UHRF2: variants seen among roughly 807,000 people sequenced by gnomAD.
UHRF2 encodes the protein ubiquitin like with PHD and ring finger domains 2, also known as E3 ubiquitin-protein ligase UHRF2.
Under a neutral mutation model 96.8 loss-of-function variants are expected in UHRF2, and 23 were observed. The ratio of observed to expected loss-of-function variants is 0.24; its 90% CI spans 0.17 to 0.34. UHRF2 has a LOEUF of 0.34. Among genes scored for constraint, UHRF2 ranks in the 10% least tolerant of loss-of-function variants. The pLI is 1.00. For missense variants in UHRF2, 685 were observed against 981.5 expected, an observed-to-expected ratio of 0.70 and a Z score of 4.04; for synonymous variants, 385 against 332.6, an observed-to-expected ratio of 1.16 and a Z score of -1.72.
At chr9:6,487,124 T>C (rs1824334324) in intron 9 of UHRF2, among the ~76,000 whole-genome samples, 199 bp downstream of exon 9, 1 of 152,034 alleles carries the variant, frequency 6.6e-6, no homozygotes, top group South Asian at 2.1e-4. Context: ...TTATATGTGT[T>C]TGTTAAGTGA....
intron 4 of UHRF2, among the ~76,000 whole-genome samples, chr9:6,464,384 T>C (rs1822740319): frequency 1.3e-5 from 2 of 152,342 alleles, no homozygotes; most frequent in South Asian, 4.1e-4. Context: ...CTGTGGCTTG[T>C]CTTTTTCTCC....
At chr9:6,433,776 A>G (rs992665626) in intron 2 of UHRF2, 138 bp from the exon 3 acceptor site, 9 of 825,450 alleles carry the variant, frequency 1.1e-5, no homozygotes, top group Admixed American at 2.9e-5. Context: ...TTTTGATCTA[A>G]TCTTATTAAC....
chr9:6,453,363 A>G (rs1821983801), intron 3 of UHRF2, among the ~76,000 whole-genome samples: 1 of 152,236 alleles, frequency 6.6e-6, no homozygotes, highest in Non-Finnish European at 1.5e-5. Context: ...TGTTATTTAA[A>G]AACATACAGA....
At position 6,506,765 on chromosome 9, in the gene UHRF2, T is replaced by C. The variant is rs551748449; in HGVS notation, c.*586T>C. The C allele has an allele frequency of 6.5e-6, 1 of 152,922 alleles. No individual in the cohort carries two copies. The highest frequency in any genetic ancestry group is 6.5e-5 in the Admixed American group (1 of 15,320). The allele number at this position is 152,922 out of a possible 1,614,324, so 9.5% of individuals were successfully genotyped here. ...GTGTTTTATGCAAGTTGACTACTAA[T>C]GACTAATGAGAACAATAATGAATGC... is the stretch of plus-strand genomic sequence containing the variant. On this transcript the variant is annotated 3_prime_UTR_variant, in exon 16 of 16. Transcript: ENST00000276893.
At chr9:6,440,346 A>G (rs928535688) in intron 3 of UHRF2, among the ~76,000 whole-genome samples, 1 of 152,222 alleles carries the variant, frequency 6.6e-6, no homozygotes, top group South Asian at 2.1e-4. Context: ...AATGTTAGCT[A>G]CATTAAATCT....
chr9:6,455,087 C>A (rs1485629496), intron 3 of UHRF2, among the ~76,000 whole-genome samples: 2 of 152,166 alleles, frequency 1.3e-5, no homozygotes, highest in Non-Finnish European at 2.9e-5. Flanking sequence ...TTACTCATTT[C>A]TTTGTCCCTC....
chr9:6,467,601 T>TTG (rs901582428), intron 4 of UHRF2, among the ~76,000 whole-genome samples: 1 of 150,330 alleles, frequency 6.7e-6, no homozygotes, highest in Non-Finnish European at 1.5e-5. Flanking sequence ...AATAGTTTTT[T>TTG]TTTTTTTTTT....
At chr9:6,432,418 A>G (rs571597794) in intron 2 of UHRF2, among the ~76,000 whole-genome samples, 7 of 152,238 alleles carry the variant, frequency 4.6e-5, no homozygotes, top group African/African-American at 1.4e-4. Flanking sequence ...TTACCTTTGA[A>G]GTTCCTGTAT....
In UHRF2 at chr9:6,415,784, G is replaced by C. The variant is rs137883549; in HGVS notation, c.153+2141G>C. On this transcript the variant is annotated intron_variant, in intron 1 of 15. Coordinates refer to ENST00000276893, the MANE Select transcript of UHRF2 (RefSeq NM_152896.3). Reference sequence around the variant, plus strand: ...TATTATAGATGTTCAGCTCACCCCAGAACTGCAAGTAGTTGAATTTAACAA... The same window carrying C: ...TATTATAGATGTTCAGCTCACCCCACAACTGCAAGTAGTTGAATTTAACAA... Among the ~76,000 whole-genome samples the C allele has an allele frequency of 5.4e-4, 82 of 152,272 alleles. 2 individuals carry two copies. In the East Asian group the frequency reaches 0.015, roughly 28 times the overall value.
In UHRF2 at chr9:6,504,581, A is replaced by T. The variant is rs776087014; in HGVS notation, c.2164-12A>T. On this transcript the variant is annotated splice_polypyrimidine_tract_variant and intron_variant, in intron 14 of 15. Coordinates refer to ENST00000276893, the MANE Select transcript of UHRF2 (RefSeq NM_152896.3). ...CTAACTTTTCTTTCCTTATCCTTGGATACTGTTCTAGAATTTTCTGAAAAA... is the reference window on the plus strand; with the variant it reads ...CTAACTTTTCTTTCCTTATCCTTGGTTACTGTTCTAGAATTTTCTGAAAAA... 3 of 1,602,846 alleles carry T rather than the reference A, an allele frequency of 1.9e-6. No individual in the cohort carries two copies. In the South Asian group the frequency reaches 3.3e-5, roughly 18 times the overall value.
chr9:6,504,015 C>CGTTT (rs1816445450), intron 14 of UHRF2, among the ~76,000 whole-genome samples: 2 of 78,958 alleles, frequency 2.5e-5, no homozygotes, highest in African/African-American at 1.2e-4. Context: ...AAATAGAAGA[C>CGTTT]TTTTTTTTTT....
intron 3 of UHRF2, among the ~76,000 whole-genome samples, chr9:6,458,422 A>C (rs1486004590): frequency 1.4e-5 from 2 of 148,022 alleles, no homozygotes; most frequent in Non-Finnish European, 3.0e-5. Flanking sequence ...TATTTTGCTG[A>C]TCTTTTCAAA....
intron 9 of UHRF2, among the ~76,000 whole-genome samples, chr9:6,489,728 G>GTTTTTTT (rs34069701): frequency 7.8e-5 from 9 of 114,704 alleles, no homozygotes; most frequent in Non-Finnish European, 1.4e-4. Context: ...TTGGGTTTTT[G>GTTTTTTT]TTTTTTTTTT....
At chr9:6,430,308 C>T (rs1820496532) in intron 2 of UHRF2, among the ~76,000 whole-genome samples, 1 of 152,198 alleles carries the variant, frequency 6.6e-6, no homozygotes, top group Non-Finnish European at 1.5e-5. Context: ...CTGTGCCTGG[C>T]CCTTAATGTG....
intron 10 of UHRF2, 112 bp from the exon 11 acceptor site, chr9:6,497,084 CAT>C: frequency 1.1e-6 from 1 of 912,218 alleles, no homozygotes; most frequent in Non-Finnish European, 1.6e-6. Context: ...TGGAAAGAAT[CAT>C]AGAATCTTAA....
At position 6,499,780 on chromosome 9, in the gene UHRF2, C is replaced by G. The variant is rs115119185; in HGVS notation, c.1909-55C>G. The G allele has an allele frequency of 1.7e-4, 208 of 1,220,658 alleles. 4 individuals carry two copies. The South Asian group carries it at 2.4e-3, about 14-fold the overall frequency. 75.6% of individuals were successfully genotyped at this position (1,220,658 alleles called of 1,614,324 possible). ...AATTTCTCACCAGGATCTAAACCCC[C>G]CTTCTCTGTGAAGCTTAAATCTGCA... is the stretch of plus-strand genomic sequence containing the variant. On this transcript the variant is annotated intron_variant, in intron 12 of 15. Transcript: ENST00000276893.
At chr9:6,439,587 A>T (rs10815436) in intron 3 of UHRF2, among the ~76,000 whole-genome samples, 2 of 152,092 alleles carry the variant, frequency 1.3e-5, no homozygotes, top group African/African-American at 4.8e-5. Flanking sequence ...ATAGATATTT[A>T]TAAGTTTTTT....
intron 11 of UHRF2, among the ~76,000 whole-genome samples, chr9:6,497,643 A>G (rs1413860551): frequency 6.6e-6 from 1 of 151,902 alleles, no homozygotes; most frequent in Admixed American, 6.6e-5. Context: ...TGGCTGTTGT[A>G]TAACTTGATT....
intron 1 of UHRF2, among the ~76,000 whole-genome samples, chr9:6,420,481 T>TC (rs1218548286): frequency 6.6e-6 from 1 of 151,020 alleles, no homozygotes; most frequent in East Asian, 2.0e-4. Flanking sequence ...GGTGGGTGGA[T>TC]CACGAGGTCA....
Sources: gnomAD v4.1 joint callset for allele counts (sites outside exome capture counted in the v4.1 genomes callset) on GRCh38, gnomAD v4.1.1 for gene constraint, MANE v1.5 for transcripts, NCBI Gene and HGNC (gene_info 2026-07-23, HGNC 2026-07-21) for gene names.